The following DAB1 variants were observed in gnomAD, a reference collection of about 807,000 sequenced individuals.
DAB1 encodes DAB adaptor protein 1.
DAB1 carries 15 observed loss-of-function variants against 64.6 expected under a neutral mutation model. The observed-to-expected ratio is 0.23, with a 90% CI of 0.16 to 0.36. DAB1 has a LOEUF of 0.36. Ranked by LOEUF, DAB1 falls within the 10% of genes least tolerant of loss-of-function variation. The pLI, the probability that DAB1 is intolerant of heterozygous loss-of-function variation, is 1.00. For synonymous variants in DAB1, 235 were observed against 251.9 expected (o/e 0.93, Z 0.64); for missense variants, 596 against 706.7 (o/e 0.84, Z 1.78).
intron 6 of DAB1, among the ~76,000 whole-genome samples, chr1:57,737,295 G>A (rs771258519): frequency 3.3e-5 from 5 of 152,212 alleles, no homozygotes; most frequent in Non-Finnish European, 7.3e-5. Context: ...TGGTCAGGGT[G>A]TAGAATGGAT....
chr1:57,745,540 T>C (rs558241985), intron 6 of DAB1, among the ~76,000 whole-genome samples: 184 of 152,326 alleles, frequency 1.2e-3, no homozygotes, highest in African/African-American at 4.1e-3. Flanking sequence ...GAAAAAACCC[T>C]AGGCAACTGA....
At chr1:57,146,349 T>G (rs1348123359) in intron 2 of DAB1, among the ~76,000 whole-genome samples, 1 of 152,212 alleles carries the variant, frequency 6.6e-6, no homozygotes, top group African/African-American at 2.4e-5. Context: ...TAGTCAGAGG[T>G]CTGGACATTG....
At chr1:58,476,818 A>T (rs1355960443) in intron 3 of DAB1, among the ~76,000 whole-genome samples, 1 of 152,210 alleles carries the variant, frequency 6.6e-6, no homozygotes, top group Admixed American at 6.5e-5. Context: ...GGTGAAGGGA[A>T]ATGGACATTT....
At chr1:57,690,381 C>T (rs759488583) in intron 6 of DAB1, among the ~76,000 whole-genome samples, 1 of 152,144 alleles carries the variant, frequency 6.6e-6, no homozygotes, top group Non-Finnish European at 1.5e-5. Context: ...TTCCCTCTTG[C>T]TGTTCTCATG....
At chr1:58,276,099 C>T (rs1239559038) in intron 4 of DAB1, among the ~76,000 whole-genome samples, 1 of 152,062 alleles carries the variant, frequency 6.6e-6, no homozygotes, top group Non-Finnish European at 1.5e-5. Context: ...ATATGTGATA[C>T]CTAATGTAGT....
At chr1:57,116,387 G>A (rs1018445537) in intron 4 of DAB1, among the ~76,000 whole-genome samples, 7 of 150,014 alleles carry the variant, frequency 4.7e-5, no homozygotes, top group Non-Finnish European at 1.0e-4. Flanking sequence ...ACTTGAACCC[G>A]GGAGGTGGAG....
At chr1:57,251,525 C>T (rs1344181361) in intron 2 of DAB1, among the ~76,000 whole-genome samples, 3 of 152,140 alleles carry the variant, frequency 2.0e-5, no homozygotes, top group African/African-American at 7.2e-5. Flanking sequence ...TATAGCCAAT[C>T]ACCTCGAGTA....
At chr1:57,918,210 A>G (rs1316686540) in intron 5 of DAB1, among the ~76,000 whole-genome samples, 1 of 152,190 alleles carries the variant, frequency 6.6e-6, no homozygotes, top group Admixed American at 6.5e-5. Flanking sequence ...TAGACAATGT[A>G]TAAGCAAATA....
chr1:58,485,127 G>A (rs959057593), intron 3 of DAB1, among the ~76,000 whole-genome samples: 2 of 150,616 alleles, frequency 1.3e-5, no homozygotes, highest in Non-Finnish European at 2.9e-5. Flanking sequence ...TGGTATGGGA[G>A]GCTGTGAGTA....
intron 2 of DAB1, among the ~76,000 whole-genome samples, chr1:58,515,358 T>A (rs1265493403): frequency 6.6e-6 from 1 of 152,192 alleles, no homozygotes; most frequent in Non-Finnish European, 1.5e-5. Flanking sequence ...TAATCTTAAT[T>A]TTTTGCTCAA....
intron 7 of DAB1, among the ~76,000 whole-genome samples, chr1:57,486,873 T>C (rs551814861): frequency 1.3e-5 from 2 of 150,946 alleles, no homozygotes; most frequent in Admixed American, 6.6e-5. Flanking sequence ...GACCCTTATG[T>C]GAAGAAAGAA....
At chr1:57,406,238 C>T (rs1364007809) in intron 1 of DAB1, among the ~76,000 whole-genome samples, 2 of 152,220 alleles carry the variant, frequency 1.3e-5, no homozygotes, top group Non-Finnish European at 2.9e-5. Context: ...ATACTTAATG[C>T]ATGAAAGACT....
intron 6 of DAB1, among the ~76,000 whole-genome samples, chr1:57,739,249 A>C (rs576042639): frequency 2.6e-5 from 4 of 152,232 alleles, no homozygotes; most frequent in African/African-American, 9.6e-5. Context: ...AATTCCAGGC[A>C]GACAAGTTCA....
At chr1:57,948,295 A>G (rs777880186) in intron 5 of DAB1, among the ~76,000 whole-genome samples, 12 of 152,188 alleles carry the variant, frequency 7.9e-5, no homozygotes, top group Admixed American at 3.9e-4. Context: ...AATAAGTCTA[A>G]ATGTTAACAT....
chr1:58,527,620 C>G (rs11799786), intron 1 of DAB1, among the ~76,000 whole-genome samples: 17,684 of 152,112 alleles, frequency 0.12, 1,224 homozygotes, highest in African/African-American at 0.18. Flanking sequence ...ATAGTCTCCA[C>G]CTACTGAGTA....
At chr1:58,068,037 C>T (rs761322559) in intron 5 of DAB1, among the ~76,000 whole-genome samples, 13 of 152,172 alleles carry the variant, frequency 8.5e-5, no homozygotes, top group Non-Finnish European at 1.8e-4. Context: ...GACAGGAATA[C>T]AGTTCTCAAA....
intron 6 of DAB1, among the ~76,000 whole-genome samples, chr1:57,798,224 A>G (rs1650960802): frequency 6.6e-6 from 1 of 152,206 alleles, no homozygotes; most frequent in South Asian, 2.1e-4. Flanking sequence ...TGGAAGGCCA[A>G]TGATGTAAGG....
intron 4 of DAB1, among the ~76,000 whole-genome samples, chr1:57,106,581 A>G (rs1446443617): frequency 1.3e-5 from 2 of 152,182 alleles, no homozygotes; most frequent in Non-Finnish European, 2.9e-5. Context: ...GTAGAACTGG[A>G]AATCATACAA....
intron 9 of DAB1, among the ~76,000 whole-genome samples, chr1:57,041,531 C>T (rs948758675): frequency 6.6e-6 from 1 of 152,144 alleles, no homozygotes; most frequent in Non-Finnish European, 1.5e-5. Flanking sequence ...AGCAAGAATT[C>T]CGTTTTTCTG....
Sources: allele counts gnomAD v4.1 joint callset (sites outside exome capture counted in the v4.1 genomes callset), GRCh38; gene constraint gnomAD v4.1.1; transcripts MANE v1.5; gene names NCBI Gene and HGNC (gene_info 2026-07-23, HGNC 2026-07-21).